Variants in CCDC88A observed in about 807,000 individuals in gnomAD.
The protein encoded by CCDC88A is girdin.
Under a neutral mutation model 234.3 loss-of-function variants are expected in CCDC88A, and 54 were observed. The observed-to-expected ratio is 0.23, with a 90% CI of 0.19 to 0.29. The LOEUF (loss-of-function observed/expected upper bound fraction) is 0.29, where lower values mean the gene tolerates loss of function less well. CCDC88A is among the 10% of genes least tolerant of loss of function. CCDC88A has a pLI of 1.00. For missense variants in CCDC88A, 1,832 were observed against 2,123.4 expected (o/e 0.86, Z 2.70); for synonymous variants, 753 against 737.8 (o/e 1.02, Z -0.33).
At chr2:55,324,017 G>C (rs1007661449) in intron 17 of CCDC88A, 2 of 152,036 alleles carry the variant, frequency 1.3e-5, no homozygotes, top group African/African-American at 2.4e-5. Flanking sequence ...CCAGCCGAAG[G>C]CTTCTCATTT....
chr2:55,322,418 T>C, intron 18 of CCDC88A, 110 bp downstream of exon 18: 1 of 663,694 alleles, frequency 1.5e-6, no homozygotes, highest in Non-Finnish European at 2.5e-6. Context: ...AATTTTCTTA[T>C]TAAGTGCCAT....
chr2:55,374,663 G>T, intron 4 of CCDC88A, 151 bp downstream of exon 4: 1 of 472,156 alleles, frequency 2.1e-6, no homozygotes. Context: ...TTCTAAGCTT[G>T]TCTCTTTCTA....
chr2:55,408,934 A>G (rs1283715802), intron 2 of CCDC88A, among the ~76,000 whole-genome samples: 1 of 152,020 alleles, frequency 6.6e-6, no homozygotes, highest in African/African-American at 2.4e-5. Flanking sequence ...TCAACTATTC[A>G]GCTAAGAATC....
At position 55,291,913 on chromosome 2, in the gene CCDC88A, G is replaced by T. The variant is rs1003737013; in HGVS notation, c.5552-138C>A. The T allele has an allele frequency of 3.0e-5, 16 of 537,350 alleles. No individual in the cohort carries two copies. The African/African-American group carries it at 3.1e-4, about 11-fold the overall frequency. The allele number at this position is 537,350 out of a possible 1,614,324, so 33.3% of individuals were successfully genotyped here. A position where few individuals can be genotyped will look rare whatever the true frequency, so the allele number is the denominator to read the frequency against. ...TCTGGGAAAATTATTAATCTCATAG[G>T]CATCTCAATACTTAAAGATCGATTT... is the stretch of plus-strand genomic sequence containing the variant. On this transcript the variant is annotated intron_variant, in intron 31 of 32. Coordinates refer to ENST00000436346, the MANE Select transcript of CCDC88A (RefSeq NM_001365480.1).
chr2:55,342,948 A>T (rs914298888), intron 12 of CCDC88A, among the ~76,000 whole-genome samples: 2 of 152,168 alleles, frequency 1.3e-5, no homozygotes, highest in Non-Finnish European at 2.9e-5. Flanking sequence ...TAATTTGAAT[A>T]AATGTGACCT....
intron 22 of CCDC88A, chr2:55,313,802 C>A (rs896671410): frequency 6.6e-6 from 1 of 152,122 alleles, no homozygotes; most frequent in East Asian, 1.9e-4. Context: ...GAGAATTATA[C>A]TATAATCATA....
At chr2:55,294,645 G>T (rs1410401887) in intron 31 of CCDC88A, 7 of 990,770 alleles carry the variant, frequency 7.1e-6, no homozygotes, top group Non-Finnish European at 7.2e-6. Context: ...CAAGTGAGGG[G>T]TGGGAAGAGG....
At chr2:55,341,711 G>A (rs1399099694) in intron 12 of CCDC88A, among the ~76,000 whole-genome samples, 2 of 152,118 alleles carry the variant, frequency 1.3e-5, no homozygotes, top group African/African-American at 2.4e-5. Flanking sequence ...CCAAAGTGCT[G>A]GGATTACAGG....
rs554608375 is a variant in CCDC88A at position 55,372,770 on chromosome 2, T to C, written c.344-260A>G. On this transcript the variant is annotated intron_variant, in intron 4 of 32. Coordinates refer to ENST00000436346, the MANE Select transcript of CCDC88A (RefSeq NM_001365480.1). ...CTCTGTGCAACAAGTATGCTAACTA[T>C]GAATCTACTCCTTTTCCATAAATGA... 1.4e-4 allele frequency among the ~76,000 whole-genome samples: 21 copies of C among 151,326 alleles called. No homozygotes were observed. In the Middle Eastern group the frequency reaches 0.01, roughly 75 times the overall value.
chr2:55,342,562 T>C lies in CCDC88A; in HGVS notation c.1333+1086A>G, dbSNP rs962698682. Among the ~76,000 whole-genome samples the C allele has an allele frequency of 1.8e-4, 27 of 152,334 alleles. No individual in the cohort carries two copies. The East Asian group carries it at 4.2e-3, about 24-fold the overall frequency. The stretch of plus-strand genomic sequence containing the variant: ...TTAGTAGAAAACACTTAAGTCTGAA[T>C]TGCTTTCTTTGTAACTCAATTCACA... On this transcript the variant is annotated intron_variant, in intron 12 of 32. Coordinates refer to ENST00000436346, the MANE Select transcript of CCDC88A (RefSeq NM_001365480.1).
At chr2:55,292,706 C>T (rs990743904) in intron 31 of CCDC88A, 1 of 152,156 alleles carries the variant, frequency 6.6e-6, no homozygotes, top group Non-Finnish European at 1.5e-5. Context: ...ACTAAAAATA[C>T]AAAAATTTGC....
intron 2 of CCDC88A, among the ~76,000 whole-genome samples, chr2:55,393,944 A>G (rs948253554): frequency 2.6e-5 from 4 of 152,020 alleles, no homozygotes; most frequent in African/African-American, 9.7e-5. Context: ...AACTTTACCC[A>G]GTATTATTTA....
chr2:55,311,923 G>A (rs1456489678), intron 23 of CCDC88A, among the ~76,000 whole-genome samples: 1 of 152,022 alleles, frequency 6.6e-6, no homozygotes, highest in Non-Finnish European at 1.5e-5. Context: ...CTTCTCTATT[G>A]CACCCCTCCT....
At position 55,317,848 on chromosome 2, in the gene CCDC88A, G is replaced by C. The variant is rs779890726; in HGVS notation, c.3325-7C>G. ...TAAGGGTGGAATTTTCAACCTATAA[G>C]AATATATATTGTTATCAGACATAAG... On this transcript the variant is annotated splice_polypyrimidine_tract_variant and splice_region_variant and intron_variant, in intron 19 of 32. Transcript: ENST00000436346. This position sits in a 1 kb window ranked among gnomAD's most constrained non-coding sequence, Gnocchi z 4.2. 3 of 1,564,080 alleles carry C rather than the reference G, an allele frequency of 1.9e-6. No individual in the cohort carries two copies. Among genetic ancestry groups the C allele is most frequent in the South Asian group, 1.2e-5 (1 of 86,378 alleles).
chr2:55,405,517 C>T (rs1285587774), intron 2 of CCDC88A: 1 of 152,214 alleles, frequency 6.6e-6, no homozygotes, highest in Non-Finnish European at 1.5e-5. Context: ...ACAGGTTTGT[C>T]TTAGTCAGTA....
rs72929303 is a variant in CCDC88A, at chr2:55,402,327, T to A, written c.165-13441A>T. Among the ~76,000 whole-genome samples the A allele has an allele frequency of 9.3e-4, 142 of 152,332 alleles. 2 individuals are homozygous for A. The highest frequency in any genetic ancestry group is 3.3e-3 in the African/African-American group (138 of 41,580). On this transcript the variant is annotated intron_variant, in intron 2 of 32. Coordinates refer to ENST00000436346, the MANE Select transcript of CCDC88A (RefSeq NM_001365480.1). Reference sequence around the variant, plus strand: ...GGCTTAATAGAATACAGCTGTTTTCTTAAACCTGCTTCTGCATTCGGTGGT... The same window carrying A: ...GGCTTAATAGAATACAGCTGTTTTCATAAACCTGCTTCTGCATTCGGTGGT...
intron 2 of CCDC88A, among the ~76,000 whole-genome samples, chr2:55,409,286 C>T (rs1335344132): frequency 6.6e-6 from 1 of 152,064 alleles, no homozygotes; most frequent in Non-Finnish European, 1.5e-5. Flanking sequence ...TTAAAATGTC[C>T]TTCCTTCCAC....
rs1387639987 is a variant in CCDC88A, at chr2:55,296,400, G to C, written c.4949C>G (p.Thr1650Ser). The C allele has an allele frequency of 1.2e-6, 2 of 1,614,188 alleles. No individual in the cohort carries two copies. The highest frequency in any genetic ancestry group is 1.7e-6 in the Non-Finnish European group (2 of 1,180,030). Residue 1650 changes from threonine (T) to serine (S), a missense_variant, in exon 30 of 33, where the codon ACC becomes AGC. Thr to Ser is a moderately conservative substitution (Grantham distance 58). Transcript: ENST00000436346. The part of the protein sequence containing the change: ...SSPIQYLKRQ[T>S]RSSPVLQHKI... ...GTGCTGGAGCACTGGGCTTGATCTG[G>C]TCTGTCTTTTCAAGTACTGGATTGG...
At chr2:55,295,523 T>C (rs766334073) in intron 31 of CCDC88A, 74 bp downstream of exon 31, 40 of 1,612,962 alleles carry the variant, frequency 2.5e-5, no homozygotes, top group Non-Finnish European at 3.4e-5. Flanking sequence ...CTAAATCATT[T>C]TGGGCACAAG....
Sources: gnomAD v4.1 joint callset for allele counts (sites outside exome capture counted in the v4.1 genomes callset) on GRCh38, gnomAD v4.1.1 for gene constraint, Gnocchi (gnomAD v3.1) non-coding constraint, MANE v1.5 for transcripts, NCBI Gene and HGNC (gene_info 2026-07-23, HGNC 2026-07-21) for gene names.